The following GUCY1A2 variants were observed in gnomAD, a reference collection of about 807,000 sequenced individuals.
GUCY1A2 encodes guanylate cyclase soluble subunit alpha-2.
Under a neutral mutation model 63.5 loss-of-function variants are expected in GUCY1A2, and 27 were observed. That is an observed-to-expected ratio of 0.43 (90% CI 0.31 to 0.59). GUCY1A2 has a LOEUF of 0.59. GUCY1A2 is among the 20% of genes least tolerant of loss of function. The pLI is 0.11. For missense variants in GUCY1A2, 768 were observed against 913.3 expected, an observed-to-expected ratio of 0.84 and a Z score of 2.05; for synonymous variants, 364 against 343.5, an observed-to-expected ratio of 1.06 and a Z score of -0.66.
chr11:106,836,245 C>G (rs1256834006), intron 4 of GUCY1A2, among the ~76,000 whole-genome samples: 1 of 151,958 alleles, frequency 6.6e-6, no homozygotes, highest in East Asian at 1.9e-4. Context: ...TACTGCTGAC[C>G]AGAAGCTGTA....
chr11:106,787,597 G>GGGGAGGGTGAGGGAGGGGGGAGGA (rs1291819228), intron 5 of GUCY1A2, among the ~76,000 whole-genome samples: 1 of 144,170 alleles, frequency 6.9e-6, no homozygotes, highest in Non-Finnish European at 1.5e-5. Flanking sequence ...AGGAAGGGAA[G>GGGGAGGGTGAGGGAGGGGGGAGGA]GGAAAAAGAG....
chr11:106,778,543 C>A (rs1274763015), intron 5 of GUCY1A2, among the ~76,000 whole-genome samples: 1 of 152,024 alleles, frequency 6.6e-6, no homozygotes, highest in East Asian at 1.9e-4. Context: ...CACCTGTAGT[C>A]CCAGCTACTC....
chr11:106,921,614 T>C (rs542839884), intron 4 of GUCY1A2, among the ~76,000 whole-genome samples: 107 of 152,170 alleles, frequency 7.0e-4, no homozygotes, highest in Non-Finnish European at 1.3e-3. Flanking sequence ...CACAACACAA[T>C]AGTCAAACTT....
chr11:106,795,065 T>C (rs1231569415), intron 5 of GUCY1A2, among the ~76,000 whole-genome samples: 2 of 152,232 alleles, frequency 1.3e-5, no homozygotes, highest in Non-Finnish European at 2.9e-5. Flanking sequence ...AACAAGTTTT[T>C]TGTGTCAACT....
chr11:106,770,921 A>G (rs1864244969), intron 6 of GUCY1A2, among the ~76,000 whole-genome samples: 1 of 151,272 alleles, frequency 6.6e-6, no homozygotes, highest in South Asian at 2.1e-4. Flanking sequence ...TAGTATTACA[A>G]CATGATTACA....
rs113539156 is a variant in GUCY1A2, at chr11:106,954,528, G to T, written c.488-14350C>A. Among the ~76,000 whole-genome samples the T allele has an allele frequency of 4.9e-3, 752 of 152,256 alleles. 8 individuals carry two copies. Among genetic ancestry groups the T allele is most frequent in the African/African-American group, 0.017 (714 of 41,552 alleles). ...TTCCGTAAATGTCTACTAGGTCCAC[G>T]TGATCCAGAGCTGAGTTCAACTCCT... On this transcript the variant is annotated intron_variant, in intron 3 of 7. Transcript: ENST00000526355.
At position 106,940,922 on chromosome 11, in the gene GUCY1A2, C is replaced by T. The variant is rs116477459; in HGVS notation, c.488-744G>A. 4.5e-3 allele frequency among the ~76,000 whole-genome samples: 690 copies of T among 152,208 alleles called. 2 individuals are homozygous for T. The highest frequency in any genetic ancestry group is 0.016 in the African/African-American group (668 of 41,514). ...TTACATCCATATTATCATCTTACTT[C>T]TTATCGAAATGCATGTATTAAGTGG... On this transcript the variant is annotated intron_variant, in intron 3 of 7. Transcript: ENST00000526355.
intron 6 of GUCY1A2, among the ~76,000 whole-genome samples, chr11:106,772,883 G>A (rs1240824256): frequency 1.3e-5 from 2 of 152,094 alleles, no homozygotes; most frequent in Non-Finnish European, 2.9e-5. Flanking sequence ...ATGTGAGACA[G>A]TATTCCTTTT....
intron 6 of GUCY1A2, among the ~76,000 whole-genome samples, chr11:106,740,743 G>A (rs1187103950): frequency 6.6e-6 from 1 of 151,258 alleles, no homozygotes; most frequent in Non-Finnish European, 1.5e-5. Flanking sequence ...GTGTGATCTC[G>A]GCTCACTGCA....
intron 4 of GUCY1A2, among the ~76,000 whole-genome samples, chr11:106,874,678 T>C (rs540484188): frequency 1.3e-5 from 2 of 152,034 alleles, no homozygotes; most frequent in South Asian, 4.1e-4. Context: ...AAAAAAGAAA[T>C]GGGCACAACT....
chr11:106,883,384 C>T (rs1859853290), intron 4 of GUCY1A2, among the ~76,000 whole-genome samples: 1 of 148,078 alleles, frequency 6.8e-6, no homozygotes, highest in Admixed American at 6.7e-5. Flanking sequence ...ATAATGTATT[C>T]ATTCATTCAT....
intron 6 of GUCY1A2, among the ~76,000 whole-genome samples, chr11:106,773,134 C>T (rs983998609): frequency 1.3e-5 from 2 of 151,422 alleles, no homozygotes; most frequent in African/African-American, 4.9e-5. Context: ...TCTTACTTCC[C>T]ATATCTTTCC....
chr11:106,919,666 G>A (rs1459356926), intron 4 of GUCY1A2, among the ~76,000 whole-genome samples: 1 of 152,018 alleles, frequency 6.6e-6, no homozygotes, highest in Non-Finnish European at 1.5e-5. Context: ...TTAAGTTAGT[G>A]ATGCTAAAAA....
intron 4 of GUCY1A2, among the ~76,000 whole-genome samples, chr11:106,838,013 T>A (rs1859140035): frequency 6.6e-6 from 1 of 151,980 alleles, no homozygotes; most frequent in Admixed American, 6.6e-5. Context: ...GCTAATACTT[T>A]CCTCACAGGC....
At position 106,680,990 on chromosome 11, in the gene GUCY1A2, T is replaced by G. The variant is rs2135327215; in HGVS notation, c.*6559A>C. The stretch of plus-strand genomic sequence containing the variant: ...GATTTTAGCTGTAATCCTTATACAT[T>G]ATTCTAAATGATGAAGTAAATTTAA... On this transcript the variant is annotated 3_prime_UTR_variant, in exon 8 of 8. Transcript: ENST00000526355. 1 of 203,730 alleles carries G rather than the reference T, an allele frequency of 4.9e-6. No individual in the cohort carries two copies. The highest frequency in any genetic ancestry group is 1.0e-5 in the Non-Finnish European group (1 of 99,238). 12.6% of individuals were successfully genotyped at this position (203,730 alleles called of 1,614,324 possible). A position where few individuals can be genotyped will look rare whatever the true frequency, so the allele number is the denominator to read the frequency against.
intron 4 of GUCY1A2, among the ~76,000 whole-genome samples, chr11:106,883,269 T>C (rs1859851517): frequency 6.6e-6 from 1 of 152,138 alleles, no homozygotes; most frequent in South Asian, 2.1e-4. Context: ...CATCTATGCT[T>C]TGATGCTCAG....
chr11:106,883,381 A>G (rs1216566899), intron 4 of GUCY1A2, among the ~76,000 whole-genome samples: 1 of 147,984 alleles, frequency 6.8e-6, no homozygotes, highest in East Asian at 1.9e-4. Context: ...ATGATAATGT[A>G]TTCATTCATT....
chr11:106,765,608 T>C (rs1003822677), intron 6 of GUCY1A2, among the ~76,000 whole-genome samples: 3 of 152,138 alleles, frequency 2.0e-5, no homozygotes, highest in Non-Finnish European at 2.9e-5. Context: ...TCAGGCTTCA[T>C]GTGAGTTGAA....
rs71470827 is a variant in GUCY1A2, at chr11:106,698,119, A to ATTTTTTTTTTTTTTTTTT, written c.1991+10375_1992-10364dup. The stretch of plus-strand genomic sequence containing the variant: ...TTTACAGCTTTCACTGAATGTTAGA[A>ATTTTTTTTTTTTTTTTTT]TTTTTTTTTTTTTTTTTTTAGACAG... On this transcript the variant is annotated intron_variant, in intron 7 of 7. Transcript: ENST00000526355. Among the ~76,000 whole-genome samples, 83 of 100,484 alleles carry ATTTTTTTTTTTTTTTTTT rather than the reference A, an allele frequency of 8.3e-4. 9 individuals carry two copies. The highest frequency in any genetic ancestry group is 1.8e-3 in the African/African-American group (39 of 21,788). 65.9% of individuals were successfully genotyped at this position (100,484 alleles called of 152,430 possible). A position where few individuals can be genotyped will look rare whatever the true frequency, so the allele number is the denominator to read the frequency against.
Sources: allele counts gnomAD v4.1 joint callset (sites outside exome capture counted in the v4.1 genomes callset), GRCh38; gene constraint gnomAD v4.1.1; transcripts MANE v1.5; gene names NCBI Gene and HGNC (gene_info 2026-07-23, HGNC 2026-07-21).